SLC35F3: variants seen among roughly 807,000 people sequenced by gnomAD.
SLC35F3 encodes solute carrier family 35 member F3, also known as putative thiamine transporter SLC35F3.
In SLC35F3, 25 loss-of-function variants were observed where a neutral mutation model predicts 49.9. That is an observed-to-expected ratio of 0.50 (90% CI 0.37 to 0.70). The LOEUF is 0.70. Among genes scored for constraint, SLC35F3 ranks in the 30% least tolerant of loss-of-function variants. The probability of loss-of-function intolerance (pLI) is 0.00; values close to 1 mark genes in which losing one functional copy is unlikely to be tolerated. For synonymous variants in SLC35F3, 275 were observed against 265.4 expected (o/e 1.04, Z -0.35); for missense variants, 525 against 639.8 (o/e 0.82, Z 1.94).
chr1:233,996,050 C>T (rs1417171739), intron 2 of SLC35F3, among the ~76,000 whole-genome samples: 1 of 152,076 alleles, frequency 6.6e-6, no homozygotes, highest in African/African-American at 2.4e-5. Flanking sequence ...CATCTTTGAA[C>T]AGTTGGAGCA....
At chr1:234,295,916 G>A (rs114743489) in intron 3 of SLC35F3, among the ~76,000 whole-genome samples, 88 of 152,296 alleles carry the variant, frequency 5.8e-4, no homozygotes, top group Admixed American at 1.5e-3. Flanking sequence ...GCCAAGTAAA[G>A]GTCCACACAC....
chr1:234,172,696 G>A (rs1308629607), intron 2 of SLC35F3, among the ~76,000 whole-genome samples: 1 of 152,142 alleles, frequency 6.6e-6, no homozygotes, highest in Admixed American at 6.5e-5. Flanking sequence ...TCTGCTTCTA[G>A]GCTACAAACT....
Position 234,320,244 on chromosome 1 carries a change from TCA to T in SLC35F3, c.1237+66_1237+67del. The T allele has an allele frequency of 3.2e-6, 4 of 1,244,924 alleles. No individual in the cohort carries two copies. The highest frequency in any genetic ancestry group is 4.7e-6 in the Non-Finnish European group (4 of 846,802). The allele number at this position is 1,244,924 out of a possible 1,614,324, so 77.1% of individuals were successfully genotyped here. The stretch of plus-strand genomic sequence containing the variant: ...TAAGCACACACACTCAGTCACCTAC[TCA>T]CACACACATACACACACTCATGCAT... On this transcript the variant is annotated intron_variant, in intron 7 of 7. Coordinates refer to ENST00000366618, the MANE Select transcript of SLC35F3 (RefSeq NM_173508.4). The surrounding 1 kb of genome is among the most constrained non-coding windows in gnomAD (Gnocchi z 4.8).
rs766353407 is a variant in SLC35F3, at chr1:234,077,705, G to A, written c.284-153712G>A. ...GAGATCCAGTAAGCTTTGGGCAGGC[G>A]GTGGGTTCTCATAGCCTGCACCTCA... On this transcript the variant is annotated intron_variant, in intron 2 of 7. Coordinates refer to ENST00000366618, the MANE Select transcript of SLC35F3 (RefSeq NM_173508.4). Among the ~76,000 whole-genome samples, 15 of 152,220 alleles carry A rather than the reference G, an allele frequency of 9.9e-5. No homozygotes were observed. In the South Asian group the frequency reaches 1.7e-3, roughly 17 times the overall value.
At chr1:234,120,549 A>G (rs1665554641) in intron 2 of SLC35F3, among the ~76,000 whole-genome samples, 1 of 152,210 alleles carries the variant, frequency 6.6e-6, no homozygotes, top group East Asian at 1.9e-4. Flanking sequence ...CAAGGCACAA[A>G]GCTGTTGTTG....
intron 2 of SLC35F3, among the ~76,000 whole-genome samples, chr1:234,087,620 A>C (rs2102875629): frequency 6.6e-6 from 1 of 152,312 alleles, no homozygotes; most frequent in South Asian, 2.1e-4. Context: ...TTCATCAGAC[A>C]ACAGCTTTGG....
chr1:234,137,252 C>A (rs535375953), intron 2 of SLC35F3, among the ~76,000 whole-genome samples: 1 of 152,232 alleles, frequency 6.6e-6, no homozygotes, highest in South Asian at 2.1e-4. Context: ...AAGAAGCCTG[C>A]AAAGGAGGTT....
chr1:234,021,498 G>T (rs1205002351), intron 2 of SLC35F3, among the ~76,000 whole-genome samples: 1 of 152,146 alleles, frequency 6.6e-6, no homozygotes, highest in East Asian at 1.9e-4. Flanking sequence ...ATTACTCATT[G>T]CTTCATTGTT....
At chr1:234,285,531 C>T (rs1179946881) in intron 3 of SLC35F3, 19 of 341,154 alleles carry the variant, frequency 5.6e-5, no homozygotes, top group South Asian at 1.4e-4. Context: ...AACAGTTCAG[C>T]AGGCTGATGA....
At chr1:234,037,914 C>G (rs954744514) in intron 2 of SLC35F3, among the ~76,000 whole-genome samples, 4 of 152,116 alleles carry the variant, frequency 2.6e-5, no homozygotes, top group Admixed American at 6.5e-5. Flanking sequence ...TGCAAAGGTT[C>G]CAAGAGTCAG....
rs140359408 is a variant in SLC35F3 at position 234,165,933 on chromosome 1, A to G, written c.284-65484A>G. On this transcript the variant is annotated intron_variant, in intron 2 of 7. Coordinates refer to ENST00000366618, the MANE Select transcript of SLC35F3 (RefSeq NM_173508.4). ...CACTCATAGCTTAGCTTCCACTTGT[A>G]AGTGAGAACATGCGGTATTTGGTTT... Among the ~76,000 whole-genome samples the G allele has an allele frequency of 1.5e-3, 227 of 152,298 alleles. 1 individual carries two copies. The highest frequency in any genetic ancestry group is 5.3e-3 in the African/African-American group (219 of 41,550).
chr1:233,984,178 C>T (rs943968482), intron 2 of SLC35F3, among the ~76,000 whole-genome samples: 2 of 152,192 alleles, frequency 1.3e-5, no homozygotes, highest in African/African-American at 4.8e-5. Flanking sequence ...CGGCTCTTCT[C>T]TTTTGTTCAC....
At chr1:234,180,413 A>G (rs893172220) in intron 2 of SLC35F3, among the ~76,000 whole-genome samples, 1 of 152,172 alleles carries the variant, frequency 6.6e-6, no homozygotes, top group South Asian at 2.1e-4. Flanking sequence ...AAGGAAACAC[A>G]TCACTTCTGC....
chr1:234,013,801 C>T (rs559044418), intron 2 of SLC35F3, among the ~76,000 whole-genome samples: 1 of 151,650 alleles, frequency 6.6e-6, no homozygotes, highest in South Asian at 2.1e-4. Context: ...AAAATCTGAA[C>T]TGACCAGTAA....
chr1:233,944,551 C>T (rs960663766), intron 2 of SLC35F3, among the ~76,000 whole-genome samples: 2 of 152,104 alleles, frequency 1.3e-5, no homozygotes, highest in Admixed American at 1.3e-4. Flanking sequence ...AGGTGCAGCT[C>T]GGGAGTTCCG....
chr1:234,158,018 C>T (rs1408313841), intron 2 of SLC35F3, among the ~76,000 whole-genome samples: 1 of 152,144 alleles, frequency 6.6e-6, no homozygotes, highest in Non-Finnish European at 1.5e-5. Context: ...TCGATTCAGC[C>T]AGTCATCTAC....
intron 2 of SLC35F3, among the ~76,000 whole-genome samples, chr1:234,031,663 G>T (rs972331377): frequency 6.6e-6 from 1 of 152,040 alleles, no homozygotes; most frequent in Admixed American, 6.6e-5. Flanking sequence ...CCCTGCCTTG[G>T]CCTCCCATTT....
chr1:234,101,303 A>G (rs904248175), intron 2 of SLC35F3, among the ~76,000 whole-genome samples: 1 of 151,970 alleles, frequency 6.6e-6, no homozygotes, highest in Non-Finnish European at 1.5e-5. Flanking sequence ...CTCAGTCAAT[A>G]TTTTTATTCA....
intron 2 of SLC35F3, among the ~76,000 whole-genome samples, chr1:233,961,662 G>A (rs1485289146): frequency 1.3e-5 from 2 of 151,950 alleles, no homozygotes; most frequent in East Asian, 3.9e-4. Context: ...CACCATGTTG[G>A]CCAGGCTAGT....
Sources: gnomAD v4.1 joint callset for allele counts (sites outside exome capture counted in the v4.1 genomes callset) on GRCh38, gnomAD v4.1.1 for gene constraint, Gnocchi (gnomAD v3.1) non-coding constraint, MANE v1.5 for transcripts, NCBI Gene and HGNC (gene_info 2026-07-23, HGNC 2026-07-21) for gene names.